LYST: variants seen among roughly 807,000 people sequenced by gnomAD.
LYST encodes the protein lysosomal-trafficking regulator.
In LYST, 192 loss-of-function variants were observed where a neutral mutation model predicts 413.6. The ratio of observed to expected loss-of-function variants is 0.46; its 90% CI spans 0.41 to 0.52. LYST has a LOEUF of 0.52. Ranked by LOEUF, LYST falls within the 20% of genes least tolerant of loss-of-function variation. The pLI, the probability that LYST is intolerant of heterozygous loss-of-function variation, is 0.00. For missense variants in LYST, 3,815 were observed against 4,499.9 expected (o/e 0.85, Z 4.35); for synonymous variants, 1,525 against 1,567.3 (o/e 0.97, Z 0.64).
intron 25 of LYST, among the ~76,000 whole-genome samples, chr1:235,755,082 A>G (rs1340978887): frequency 7.8e-5 from 4 of 51,410 alleles, no homozygotes; most frequent in Non-Finnish European, 1.5e-4. Context: ...CATTGTCTCA[A>G]AAAAAAAAAA....
chr1:235,709,816 AT>A (rs1254345673), intron 43 of LYST, among the ~76,000 whole-genome samples: 1 of 149,980 alleles, frequency 6.7e-6, no homozygotes, highest in Admixed American at 6.6e-5. Flanking sequence ...GTTAGAATGA[AT>A]TGCCATAGTC....
chr1:235,781,188 A>G (rs1669837059), intron 15 of LYST, 133 bp from the exon 16 acceptor site: 1 of 649,606 alleles, frequency 1.5e-6, no homozygotes, highest in Non-Finnish European at 2.7e-6. Context: ...AAAATTGATA[A>G]AGCCTCAATT....
rs1478665092 is a variant in LYST, at chr1:235,666,221, TACATAC to T, written c.11039-1606_11039-1601del. Among the ~76,000 whole-genome samples, 1,078 of 116,248 alleles carry T rather than the reference TACATAC, an allele frequency of 9.3e-3. 22 individuals carry two copies. Among genetic ancestry groups the T allele is most frequent in the African/African-American group, 0.033 (1,013 of 30,838 alleles). 76.3% of individuals were successfully genotyped at this position (116,248 alleles called of 152,430 possible). On this transcript the variant is annotated intron_variant, in intron 50 of 52. Transcript: ENST00000389793. ...AGATGCATAAACAAAATGCAGTATG[TACATAC>T]ACACACACACACACACACACACACA...
Position 235,697,206 on chromosome 1 carries a change from G to A in LYST, c.10441C>T (p.Pro3481Ser). Reference protein sequence around the residue: ...EYVGSPSAPVPVVCFSQPHGE... With the variant: ...EYVGSPSAPVSVVCFSQPHGE... ...TGGGGCTGGCTGAAGCAGACCACAG[G>A]TACTGGAGCACTGGGGGAACCCACG... The change falls in exon 46 of 53, where the codon CCT (proline) becomes TCT (serine). Residue 3481 changes from proline to serine, a missense_variant. By Grantham distance (74) the Pro-to-Ser change is moderately conservative. Coordinates refer to ENST00000389793, the MANE Select transcript of LYST (RefSeq NM_000081.4). 1 of 1,614,124 alleles carries A rather than the reference G, an allele frequency of 6.2e-7. No individual in the cohort carries two copies.
intron 19 of LYST, among the ~76,000 whole-genome samples, chr1:235,771,923 T>G (rs1276922612): frequency 1.3e-4 from 19 of 145,196 alleles, no homozygotes; most frequent in Middle Eastern, 3.5e-3. Flanking sequence ...GTTTGTTTTT[T>G]TTTTTTTTTT....
chr1:235,679,736 T>A (rs145797805), intron 48 of LYST, among the ~76,000 whole-genome samples: 1 of 152,170 alleles, frequency 6.6e-6, no homozygotes, highest in Admixed American at 6.5e-5. Flanking sequence ...GGTTCTCCCA[T>A]GCAACTCATT....
At chr1:235,733,762 A>T in intron 33 of LYST, 68 bp downstream of exon 33, 1 of 1,484,980 alleles carries the variant, frequency 6.7e-7, no homozygotes, top group African/African-American at 1.4e-5. Context: ...GATACTTTAA[A>T]ACTAAAAGTA....
intron 43 of LYST, among the ~76,000 whole-genome samples, chr1:235,710,830 C>T (rs998809942): frequency 5.3e-5 from 8 of 152,144 alleles, no homozygotes; most frequent in Admixed American, 5.2e-4. Flanking sequence ...GTCTTTGGAA[C>T]CCTGAGTTGC....
rs1673632150 is a variant in LYST, at chr1:235,813,054, G to A, written c.200C>T (p.Thr67Ile). 3.8e-6 allele frequency: 6 copies of A among 1,576,898 alleles called. No individual in the cohort carries two copies. The South Asian group carries it at 6.6e-5, about 17-fold the overall frequency. ...KLNSIIDQAL[T>I]CREELLTLLL... Reference sequence around the variant, plus strand: ...AAGAGTCAGGAGTTCTTCTCTACATGTCAATGCCTATGTCAGTAACAAAAG... The same window carrying A: ...AAGAGTCAGGAGTTCTTCTCTACATATCAATGCCTATGTCAGTAACAAAAG... Residue 67 changes from threonine to isoleucine, a missense_variant, in exon 4 of 53, where the codon ACA becomes ATA. Thr to Ile is a moderately conservative substitution (Grantham distance 89, BLOSUM62 -1). Around this residue, in one of 4 missense-constraint regions of LYST, gnomAD observed 1,648 missense variants for 1,810.3 expected, o/e 0.91. Transcript: ENST00000389793.
chr1:235,846,151 G>A (rs753871850), intron 1 of LYST, among the ~76,000 whole-genome samples: 79 of 152,262 alleles, frequency 5.2e-4, no homozygotes, highest in Non-Finnish European at 8.7e-4. Context: ...CAGAAAAGGC[G>A]CTGGTATCCA....
At chr1:235,808,173 CCTCTT>C (rs1289068814) in intron 5 of LYST, among the ~76,000 whole-genome samples, 2 of 152,228 alleles carry the variant, frequency 1.3e-5, no homozygotes, top group African/African-American at 4.8e-5. Context: ...ATGGCTGTAT[CCTCTT>C]CTCTATAAAC....
chr1:235,799,421 C>A (rs537490050), intron 10 of LYST, among the ~76,000 whole-genome samples: 4 of 152,270 alleles, frequency 2.6e-5, no homozygotes, highest in African/African-American at 9.6e-5. Flanking sequence ...ACCTCCTTAA[C>A]CACATGATCA....
At chr1:235,732,521 C>T (rs1268309593) in intron 34 of LYST, among the ~76,000 whole-genome samples, 1 of 152,138 alleles carries the variant, frequency 6.6e-6, no homozygotes, top group Non-Finnish European at 1.5e-5. Flanking sequence ...AATAGGATAA[C>T]TGAAGCTAGA....
intron 39 of LYST, among the ~76,000 whole-genome samples, chr1:235,723,296 G>A (rs2103172556): frequency 6.6e-6 from 1 of 152,322 alleles, no homozygotes; most frequent in East Asian, 1.9e-4. Flanking sequence ...ATATGTGAGT[G>A]TGGCATTCAG....
At position 235,806,238 on chromosome 1, in the gene LYST, C is replaced by T. The variant is rs1051149632; in HGVS notation, c.2898G>A (p.Met966Ile). The change falls in exon 6 of 53, where the codon ATG (methionine) becomes ATA (isoleucine). Residue 966 changes from methionine (M) to isoleucine (I), a missense_variant. Met to Ile is a conservative substitution (Grantham distance 10). This residue lies in a region of LYST where 1,648 missense variants were observed against 1,810.3 expected (regional missense o/e 0.91). Coordinates refer to ENST00000389793, the MANE Select transcript of LYST (RefSeq NM_000081.4). ...HMHQAADIWS[M>I]CRWIYMLSSV... is the part of the protein sequence containing the mutation. Reference sequence around the variant, plus strand: ...AACTCAACATGTAGATCCAACGACACATAGACCAAATGTCTGCTGCTTGGT... The same window carrying T: ...AACTCAACATGTAGATCCAACGACATATAGACCAAATGTCTGCTGCTTGGT... 1.2e-6 allele frequency: 2 copies of T among 1,613,860 alleles called. No individual in the cohort carries two copies. The highest frequency in any genetic ancestry group is 2.7e-5 in the African/African-American group (2 of 74,896).
intron 32 of LYST, 85 bp downstream of exon 32, chr1:235,734,398 T>C: frequency 5.9e-6 from 6 of 1,024,882 alleles, no homozygotes; most frequent in East Asian, 2.4e-5. Context: ...TCATCAATGA[T>C]AGCCTGTTCT....
At chr1:235,795,061 A>C (rs1232478441) in intron 10 of LYST, among the ~76,000 whole-genome samples, 2 of 152,204 alleles carry the variant, frequency 1.3e-5, no homozygotes, top group East Asian at 3.9e-4. Context: ...GTAGATGTAT[A>C]AGAGAAAGCT....
At chr1:235,782,344 A>AT (rs569482960) in intron 14 of LYST, among the ~76,000 whole-genome samples, 20 of 147,262 alleles carry the variant, frequency 1.4e-4, no homozygotes, top group East Asian at 5.9e-4. Flanking sequence ...AATTTTTTGT[A>AT]TTTTTTTTTT....
At chr1:235,695,696 G>A (rs183229999) in intron 46 of LYST, among the ~76,000 whole-genome samples, 13 of 144,034 alleles carry the variant, frequency 9.0e-5, no homozygotes, top group Non-Finnish European at 1.6e-4. Flanking sequence ...GCAATGGTGC[G>A]ATCTTGGCTC....
Sources: gnomAD v4.1 joint callset for allele counts (sites outside exome capture counted in the v4.1 genomes callset) on GRCh38, gnomAD v4.1.1 for gene constraint, gnomAD v4.1.1 regional missense constraint, MANE v1.5 for transcripts, NCBI Gene and HGNC (gene_info 2026-07-23, HGNC 2026-07-21) for gene names.